ENTREP2: variants seen among roughly 807,000 people sequenced by gnomAD.
ENTREP2 encodes endosomal transmembrane epsin interactor 2.
the ENTREP2 span, among the ~76,000 whole-genome samples, chr15:29,489,954 T>G: frequency 6.6e-6 from 1 of 152,360 alleles, no homozygotes; most frequent in East Asian, 1.9e-4. Context: ...AATGTTTTAA[T>G]TCTTCTGAAA....
chr15:29,358,904 G>A, the ENTREP2 span, among the ~76,000 whole-genome samples: 1 of 152,114 alleles, frequency 6.6e-6, no homozygotes. Flanking sequence ...GTACCTGAAA[G>A]AAAATGTCAG....
chr15:29,674,304 CT>C, the ENTREP2 span, among the ~76,000 whole-genome samples: 1 of 151,736 alleles, frequency 6.6e-6, no homozygotes, highest in African/African-American at 2.4e-5. Context: ...CAGTCTCATT[CT>C]GTCGCCCAGG....
the ENTREP2 span, among the ~76,000 whole-genome samples, chr15:29,285,876 A>G: frequency 6.6e-6 from 1 of 152,194 alleles, no homozygotes; most frequent in African/African-American, 2.4e-5. Flanking sequence ...TCAAGGAAAT[A>G]AGGTTGGTTC....
At chr15:29,609,512 T>C in the ENTREP2 span, among the ~76,000 whole-genome samples, 5 of 149,948 alleles carry the variant, frequency 3.3e-5, 1 homozygote, top group East Asian at 4.1e-4. Flanking sequence ...CATCTCTCTC[T>C]CACCTCTCTT....
At chr15:29,299,399 G>C in the ENTREP2 span, among the ~76,000 whole-genome samples, 1 of 152,184 alleles carries the variant, frequency 6.6e-6, no homozygotes, top group African/African-American at 2.4e-5. Flanking sequence ...TGCCTCTTCA[G>C]CGTCACCTTT....
chr15:29,290,498 A>T, the ENTREP2 span, among the ~76,000 whole-genome samples: 1 of 152,320 alleles, frequency 6.6e-6, no homozygotes, highest in South Asian at 2.1e-4. Context: ...CATCTGGTAT[A>T]TGATTTATCT....
chr15:29,293,258 C>CTT, the ENTREP2 span, among the ~76,000 whole-genome samples: 1 of 147,146 alleles, frequency 6.8e-6, no homozygotes, highest in African/African-American at 2.5e-5. Flanking sequence ...TTTATTGACT[C>CTT]TTTTTTTTTT....
the ENTREP2 span, among the ~76,000 whole-genome samples, chr15:29,669,040 G>A: frequency 6.6e-6 from 1 of 152,020 alleles, no homozygotes. Context: ...AGATTCAAAG[G>A]GCTAAAAATA....
the ENTREP2 span, among the ~76,000 whole-genome samples, chr15:29,557,293 C>T: frequency 1.1e-4 from 16 of 152,222 alleles, no homozygotes; most frequent in East Asian, 7.7e-4. Flanking sequence ...TTAGGTGACC[C>T]GAACTTTGAC....
the ENTREP2 span, among the ~76,000 whole-genome samples, chr15:29,373,406 G>C: frequency 6.6e-6 from 1 of 152,064 alleles, no homozygotes; most frequent in Non-Finnish European, 1.5e-5. Context: ...AATGAGATAG[G>C]GGAGCAAAAA....
chr15:29,256,259 G>A, the ENTREP2 span, among the ~76,000 whole-genome samples: 1 of 152,074 alleles, frequency 6.6e-6, no homozygotes, highest in Non-Finnish European at 1.5e-5. Flanking sequence ...ATGGGATTAT[G>A]AGAAGCCTAA....
the ENTREP2 span, among the ~76,000 whole-genome samples, chr15:29,650,332 C>T: frequency 6.6e-6 from 1 of 152,310 alleles, no homozygotes; most frequent in East Asian, 1.9e-4. Context: ...GTGGCTCACA[C>T]CTGTGATCCC....
chr15:29,203,929 C>T, the ENTREP2 span, among the ~76,000 whole-genome samples: 1 of 152,116 alleles, frequency 6.6e-6, no homozygotes. Flanking sequence ...GAAGGATCAT[C>T]CGGGGAAAGG....
At chr15:29,235,533 G>A in the ENTREP2 span, among the ~76,000 whole-genome samples, 1 of 152,124 alleles carries the variant, frequency 6.6e-6, no homozygotes, top group African/African-American at 2.4e-5. Context: ...CAAGAGAACT[G>A]AATGGACACA....
the ENTREP2 span, chr15:29,126,245 T>C: frequency 6.9e-7 from 1 of 1,443,652 alleles, no homozygotes; most frequent in Non-Finnish European, 9.2e-7. Flanking sequence ...TCTGGGGACA[T>C]GGGTGAGCCT....
the ENTREP2 span, among the ~76,000 whole-genome samples, chr15:29,173,413 C>T: frequency 2.6e-4 from 40 of 152,352 alleles, no homozygotes; most frequent in East Asian, 4.4e-3. Flanking sequence ...ATCCCCTGGA[C>T]GGAAGCCTCA....
chr15:29,436,258 A>T, the ENTREP2 span, among the ~76,000 whole-genome samples: 3 of 152,184 alleles, frequency 2.0e-5, no homozygotes, highest in Non-Finnish European at 4.4e-5. Flanking sequence ...AGATTATCTT[A>T]TATGTTAGCA....
the ENTREP2 span, among the ~76,000 whole-genome samples, chr15:29,302,927 G>A: frequency 1.3e-5 from 2 of 152,070 alleles, no homozygotes; most frequent in Non-Finnish European, 2.9e-5. Context: ...CTGCACAGCC[G>A]CCTGCTGAGG....
At chr15:29,383,200 G>A in the ENTREP2 span, among the ~76,000 whole-genome samples, 1 of 152,152 alleles carries the variant, frequency 6.6e-6, no homozygotes, top group Non-Finnish European at 1.5e-5. Flanking sequence ...TCAGCCCAGG[G>A]CTTTGCCATG....
Sources: allele counts gnomAD v4.1 joint callset (sites outside exome capture counted in the v4.1 genomes callset), GRCh38; gene constraint gnomAD v4.1.1; transcripts MANE v1.5; gene names NCBI Gene and HGNC (gene_info 2026-07-23, HGNC 2026-07-21).